PDE4D: variants seen among roughly 807,000 people sequenced by gnomAD.
PDE4D encodes phosphodiesterase 4D.
PDE4D carries 24 observed loss-of-function variants against 87.4 expected under a neutral mutation model. That is an observed-to-expected ratio of 0.27 (90% CI 0.20 to 0.39). The LOEUF (loss-of-function observed/expected upper bound fraction) is 0.39. PDE4D is among the 10% of genes least tolerant of loss of function. The pLI is 1.00. For synonymous variants in PDE4D, 384 were observed against 383.2 expected (o/e 1.00, Z -0.02); for missense variants, 714 against 1,041.0 (o/e 0.69, Z 4.32).
chr5:60,421,315 C>G (rs571004039), intron 1 of PDE4D, among the ~76,000 whole-genome samples: 5 of 152,290 alleles, frequency 3.3e-5, no homozygotes, highest in African/African-American at 9.6e-5. Context: ...AGGCAGGTGC[C>G]CCTCTAGCAC....
chr5:59,565,468 A>C (rs1820719454), intron 1 of PDE4D, among the ~76,000 whole-genome samples: 1 of 152,200 alleles, frequency 6.6e-6, no homozygotes, highest in Admixed American at 6.5e-5. Context: ...ACAGTGAGCC[A>C]TAACTGCACC....
In PDE4D at chr5:60,508,879, CTTTCT is replaced by C. The variant is rs935629586; in HGVS notation, n.70+13167_70+13171del. On this transcript the variant is annotated intron_variant and non_coding_transcript_variant, in intron 1 of 2. Coordinates refer to the PDE4D transcript ENST00000506510. ...TGCAGATTTCTCTTTTTTTTTCTTT[CTTTCT>C]TTTCTTTTATTTATTTATTTATTTA... 2.9e-4 allele frequency among the ~76,000 whole-genome samples: 44 copies of C among 149,616 alleles called. 1 individual carries two copies. Among genetic ancestry groups the C allele is most frequent in the Non-Finnish European group, 1.6e-4 (11 of 67,604 alleles).
chr5:60,148,626 A>G (rs1340719165), intron 2 of PDE4D, among the ~76,000 whole-genome samples: 2 of 152,198 alleles, frequency 1.3e-5, no homozygotes, highest in Non-Finnish European at 1.5e-5. Context: ...AGGAGTCCCT[A>G]AAGATTTTCT....
intron 1 of PDE4D, among the ~76,000 whole-genome samples, chr5:59,793,119 G>A (rs1451633796): frequency 6.6e-6 from 1 of 152,172 alleles, no homozygotes; most frequent in South Asian, 2.1e-4. Flanking sequence ...AGGAGTCCCC[G>A]AGGAGCCTGA....
intron 1 of PDE4D, among the ~76,000 whole-genome samples, chr5:59,605,636 C>T (rs1471194542): frequency 6.6e-6 from 1 of 152,060 alleles, no homozygotes; most frequent in Non-Finnish European, 1.5e-5. Flanking sequence ...AATTCTTGGG[C>T]CTGTTATTTC....
intron 1 of PDE4D, among the ~76,000 whole-genome samples, chr5:59,675,407 C>T (rs938596244): frequency 6.6e-6 from 1 of 152,154 alleles, no homozygotes; most frequent in Non-Finnish European, 1.5e-5. Context: ...CATTTCTCCA[C>T]ACTTTATAGC....
intron 1 of PDE4D, among the ~76,000 whole-genome samples, chr5:59,311,462 C>T (rs777891096): frequency 3.8e-5 from 5 of 130,072 alleles, no homozygotes; most frequent in Non-Finnish European, 7.7e-5. Context: ...GATTGCACCA[C>T]TGCACTCCAG....
At chr5:59,491,432 A>G (rs1196388812) in intron 1 of PDE4D, among the ~76,000 whole-genome samples, 2 of 152,206 alleles carry the variant, frequency 1.3e-5, no homozygotes, top group African/African-American at 4.8e-5. Flanking sequence ...TTTCCAGTAA[A>G]GCAAGTTATC....
rs181539120 is a variant in PDE4D at position 59,334,341 on chromosome 5, C to T, written c.456-118373G>A. On this transcript the variant is annotated intron_variant, in intron 1 of 14. Transcript: ENST00000340635. The stretch of plus-strand genomic sequence containing the variant: ...TGGCATGATCTTGGCTCACTGCAAC[C>T]TCTGCCTCCTGAGTTCAAGCAATTT... 4.7e-5 allele frequency among the ~76,000 whole-genome samples: 7 copies of T among 148,650 alleles called. No homozygotes were observed. In the East Asian group the frequency reaches 1.0e-3, roughly 21 times the overall value.
chr5:59,457,769 C>T (rs1800153433), intron 1 of PDE4D, among the ~76,000 whole-genome samples: 1 of 151,976 alleles, frequency 6.6e-6, no homozygotes, highest in Non-Finnish European at 1.5e-5. Flanking sequence ...GTGGTGGGCG[C>T]TTGTAATCCC....
At chr5:60,429,848 GT>G (rs749261710) in intron 1 of PDE4D, 12,633 of 262,336 alleles carry the variant, frequency 0.048, 329 homozygotes, top group Middle Eastern at 0.17. Context: ...TTTTTTTTTT[GT>G]TTTTTTTTTT....
chr5:59,475,988 C>G (rs1803239086), intron 1 of PDE4D, among the ~76,000 whole-genome samples: 1 of 151,756 alleles, frequency 6.6e-6, no homozygotes, highest in East Asian at 1.9e-4. Context: ...AAAACTTTTC[C>G]AAGCATGTCA....
chr5:59,173,440 C>T (rs189853574), intron 5 of PDE4D, among the ~76,000 whole-genome samples: 2 of 152,192 alleles, frequency 1.3e-5, no homozygotes, highest in Non-Finnish European at 2.9e-5. Context: ...AATAGTAATA[C>T]TCCATGCATT....
chr5:59,982,014 T>C (rs1243122341), intron 3 of PDE4D, among the ~76,000 whole-genome samples: 5 of 152,202 alleles, frequency 3.3e-5, no homozygotes, highest in Non-Finnish European at 7.3e-5. Context: ...AGTCCCTCTG[T>C]GAATAGCACA....
At chr5:59,227,808 T>C (rs1754160589) in intron 1 of PDE4D, among the ~76,000 whole-genome samples, 1 of 152,152 alleles carries the variant, frequency 6.6e-6, no homozygotes, top group African/African-American at 2.4e-5. Context: ...GAATGTAAAT[T>C]ATTAATAGTT....
intron 2 of PDE4D, among the ~76,000 whole-genome samples, chr5:60,102,528 G>T (rs1365036311): frequency 6.6e-6 from 1 of 152,082 alleles, no homozygotes; most frequent in South Asian, 2.1e-4. Context: ...TAAATTCAGA[G>T]AATTTCATTT....
chr5:59,041,321 G>A (rs1580469348), intron 5 of PDE4D, among the ~76,000 whole-genome samples: 1 of 152,256 alleles, frequency 6.6e-6, no homozygotes, highest in Admixed American at 6.5e-5. Flanking sequence ...ACACCCTAAA[G>A]ATCACAAACA....
intron 6 of PDE4D, among the ~76,000 whole-genome samples, chr5:59,022,343 TGCC>T (rs1755341336): frequency 6.6e-6 from 1 of 152,198 alleles, no homozygotes; most frequent in Non-Finnish European, 1.5e-5. Flanking sequence ...TCTCTTTCTC[TGCC>T]TCACACTGCC....
intron 1 of PDE4D, among the ~76,000 whole-genome samples, chr5:59,507,891 T>G (rs1054730109): frequency 2.6e-5 from 4 of 152,130 alleles, no homozygotes; most frequent in African/African-American, 9.7e-5. Flanking sequence ...ATTAATCTAA[T>G]TGCTGCTTAC....
Sources: allele counts gnomAD v4.1 joint callset (sites outside exome capture counted in the v4.1 genomes callset), GRCh38; gene constraint gnomAD v4.1.1; transcripts MANE v1.5; gene names NCBI Gene and HGNC (gene_info 2026-07-23, HGNC 2026-07-21).